The following STAU2 variants were observed in gnomAD, a reference collection of about 807,000 sequenced individuals.
STAU2 encodes staufen double-stranded RNA binding protein 2, also known as double-stranded RNA-binding protein Staufen homolog 2.
Under a neutral mutation model 65.9 loss-of-function variants are expected in STAU2, and 20 were observed. The observed-to-expected ratio is 0.30, with a 90% confidence interval of 0.21 to 0.44. The LOEUF (loss-of-function observed/expected upper bound fraction) is 0.44. Ranked by LOEUF, STAU2 falls within the 20% of genes least tolerant of loss-of-function variation. The pLI, the probability that STAU2 is intolerant of heterozygous loss-of-function variation, is 1.00. For synonymous variants in STAU2, 232 were observed against 233.9 expected (o/e 0.99, Z 0.07); for missense variants, 558 against 683.9 (o/e 0.82, Z 2.05).
chr8:73,602,287 C>A (rs1811691840), intron 10 of STAU2, among the ~76,000 whole-genome samples: 1 of 152,208 alleles, frequency 6.6e-6, no homozygotes, highest in African/African-American at 2.4e-5. Context: ...ATATGAGACA[C>A]TGTATTTGAG....
intron 4 of STAU2, among the ~76,000 whole-genome samples, chr8:73,689,174 C>T (rs1331389628): frequency 2.0e-5 from 3 of 152,118 alleles, no homozygotes; most frequent in Non-Finnish European, 2.9e-5. Context: ...GCCAAAAGAC[C>T]ATGTGTCTAT....
At chr8:73,437,683 G>A (rs976727368) in intron 13 of STAU2, among the ~76,000 whole-genome samples, 44 of 152,178 alleles carry the variant, frequency 2.9e-4, no homozygotes, top group African/African-American at 9.9e-4. Flanking sequence ...GAGGTGTAAG[G>A]TTGGTGATGG....
chr8:73,690,621 T>C (rs943817864), intron 4 of STAU2, among the ~76,000 whole-genome samples: 5 of 152,188 alleles, frequency 3.3e-5, no homozygotes, highest in African/African-American at 9.7e-5. Context: ...TACTTTCAAA[T>C]TGTTCAAGGA....
intron 13 of STAU2, among the ~76,000 whole-genome samples, chr8:73,521,213 T>C (rs1361314157): frequency 6.6e-6 from 1 of 152,176 alleles, no homozygotes; most frequent in Non-Finnish European, 1.5e-5. Flanking sequence ...CAAGCAGAAC[T>C]TAATCAAAAC....
chr8:73,643,892 A>C (rs1815172030), intron 6 of STAU2, among the ~76,000 whole-genome samples: 1 of 152,250 alleles, frequency 6.6e-6, no homozygotes, highest in Non-Finnish European at 1.5e-5. Flanking sequence ...CATAGTATAT[A>C]ATTTGCATAA....
intron 13 of STAU2, among the ~76,000 whole-genome samples, chr8:73,470,765 C>T (rs963884303): frequency 6.6e-6 from 1 of 151,952 alleles, no homozygotes; most frequent in Non-Finnish European, 1.5e-5. Context: ...GATTGCACCA[C>T]TGTACTCCAG....
chr8:73,560,270 C>A (rs969790415), intron 12 of STAU2, among the ~76,000 whole-genome samples: 2 of 151,808 alleles, frequency 1.3e-5, no homozygotes, highest in Non-Finnish European at 2.9e-5. Context: ...TTAGTAGAGA[C>A]GGGGTTTCAC....
chr8:73,534,136 T>C (rs1348413661), intron 13 of STAU2, among the ~76,000 whole-genome samples: 2 of 152,214 alleles, frequency 1.3e-5, no homozygotes, highest in East Asian at 3.9e-4. Context: ...CCATTAACTG[T>C]GGAGTTGACT....
At chr8:73,704,059 T>C (rs1432599797) in intron 4 of STAU2, among the ~76,000 whole-genome samples, 5 of 152,128 alleles carry the variant, frequency 3.3e-5, no homozygotes, top group Non-Finnish European at 5.9e-5. Flanking sequence ...CAAATGTACA[T>C]AGAAAGAAAA....
At chr8:73,606,027 A>AAAAAG (rs1234660346) in intron 9 of STAU2, among the ~76,000 whole-genome samples, 5 of 149,698 alleles carry the variant, frequency 3.3e-5, no homozygotes, top group Non-Finnish European at 5.9e-5. Context: ...AAAGAAAAAG[A>AAAAAG]AAAAAAAATC....
chr8:73,550,252 A>T, intron 13 of STAU2: 1 of 985,336 alleles, frequency 1.0e-6, no homozygotes, highest in Non-Finnish European at 1.2e-6. Flanking sequence ...ATATTATGTA[A>T]GCATAAGCTT....
At chr8:73,613,535 T>C (rs1812620803) in intron 9 of STAU2, among the ~76,000 whole-genome samples, 1 of 152,204 alleles carries the variant, frequency 6.6e-6, no homozygotes, top group Non-Finnish European at 1.5e-5. Flanking sequence ...CCTAAGGTAT[T>C]ATGATTATTT....
chr8:73,684,063 G>A (rs1319149375), intron 5 of STAU2, among the ~76,000 whole-genome samples: 4 of 152,006 alleles, frequency 2.6e-5, no homozygotes, highest in Non-Finnish European at 4.4e-5. Flanking sequence ...TATGCAATTC[G>A]CATCAAAATA....
rs1260914982 is a variant in STAU2 at position 73,422,594 on chromosome 8, C to T, written c.1619+20G>A. The stretch of plus-strand genomic sequence containing the variant: ...AGTTACAATTAAAAGTGTAAGAATA[C>T]TGACAGGGGATTTACTCACTTTTCA... On this transcript the variant is annotated intron_variant, in intron 14 of 14. Coordinates refer to ENST00000524300, the MANE Select transcript of STAU2 (RefSeq NM_001164380.2). 6.7e-7 allele frequency: 1 copy of T among 1,488,232 alleles called. No homozygotes were observed. 92.2% of individuals were successfully genotyped at this position (1,488,232 alleles called of 1,614,324 possible).
At chr8:73,651,547 C>A in intron 6 of STAU2, 2 of 848,174 alleles carry the variant, frequency 2.4e-6, no homozygotes, top group Non-Finnish European at 3.9e-6. Flanking sequence ...TTGCCAATGG[C>A]CTGCACCTGC....
chr8:73,501,266 GAA>G (rs1821735437), intron 13 of STAU2, among the ~76,000 whole-genome samples: 1 of 151,830 alleles, frequency 6.6e-6, no homozygotes, highest in South Asian at 2.1e-4. Context: ...GATTTAATAA[GAA>G]AAAGAGAACC....
intron 13 of STAU2, among the ~76,000 whole-genome samples, chr8:73,423,671 G>T (rs767794398): frequency 2.0e-5 from 3 of 152,030 alleles, no homozygotes; most frequent in Non-Finnish European, 4.4e-5. Flanking sequence ...GCTCCTTTAG[G>T]GTAGCTGACT....
intron 13 of STAU2, among the ~76,000 whole-genome samples, chr8:73,479,545 G>T (rs4237005): frequency 6.7e-6 from 1 of 149,882 alleles, no homozygotes; most frequent in Non-Finnish European, 1.5e-5. Context: ...TACATGTTAG[G>T]CTGTATGAAA....
At chr8:73,746,911 G>A (rs1290515732), upstream of STAU2, 3 of 891,062 alleles carry the variant, frequency 3.4e-6, no homozygotes, top group East Asian at 6.5e-5. Context: ...GCCTCCGCCC[G>A]CCTCCCCGGC....
Sources: allele counts gnomAD v4.1 joint callset (sites outside exome capture counted in the v4.1 genomes callset), GRCh38; gene constraint gnomAD v4.1.1; transcripts MANE v1.5; gene names NCBI Gene and HGNC (gene_info 2026-07-23, HGNC 2026-07-21).